The following KCND3 variants were observed in gnomAD, a reference collection of about 807,000 sequenced individuals.
KCND3 encodes A-type voltage-gated potassium channel KCND3.
KCND3 carries 9 observed loss-of-function variants against 51.1 expected under a neutral mutation model. The ratio of observed to expected loss-of-function variants is 0.18; its 90% CI spans 0.11 to 0.31. The LOEUF is 0.31. Among genes scored for constraint, KCND3 ranks in the 10% least tolerant of loss-of-function variants. KCND3 has a pLI of 1.00. For synonymous variants in KCND3, 349 were observed against 368.0 expected, an observed-to-expected ratio of 0.95 and a Z score of 0.59; for missense variants, 526 against 903.8, an observed-to-expected ratio of 0.58 and a Z score of 5.36.
intron 3 of KCND3, among the ~76,000 whole-genome samples, chr1:111,781,667 C>G (rs1005108293): frequency 6.6e-6 from 1 of 152,106 alleles, no homozygotes; most frequent in Admixed American, 6.5e-5. Context: ...TTACAGGCAC[C>G]CACCAACACA....
At chr1:111,831,800 T>C (rs1428328155) in intron 2 of KCND3, among the ~76,000 whole-genome samples, 1 of 152,182 alleles carries the variant, frequency 6.6e-6, no homozygotes, top group Non-Finnish European at 1.5e-5. Context: ...AGAGATACAC[T>C]GATTTACAGG....
intron 2 of KCND3, among the ~76,000 whole-genome samples, chr1:111,934,096 G>A (rs1282910951): frequency 6.6e-6 from 1 of 152,176 alleles, no homozygotes; most frequent in East Asian, 1.9e-4. Flanking sequence ...GTCAGTTTGT[G>A]GCAGCCGAGC....
In KCND3 at chr1:111,982,829, G is replaced by A; in HGVS notation, c.-72-31C>T. 1.4e-6 allele frequency: 2 copies of A among 1,473,942 alleles called. No homozygotes were observed. The highest frequency in any genetic ancestry group is 4.5e-4 in the Middle Eastern group (2 of 4,460). The allele number at this position is 1,473,942 out of a possible 1,614,324, so 91.3% of individuals were successfully genotyped here. On this transcript the variant is annotated intron_variant, in intron 1 of 7. Transcript: ENST00000302127. The surrounding 1 kb of genome is among the most constrained non-coding windows in gnomAD (Gnocchi z 8.5). ...AGACAGGAGGGGAGAGAGAGAAGCG[G>A]TGAGTCCATATCGACTGGCAGGTAA...
At chr1:111,983,194 T>C (rs1675069080) in intron 1 of KCND3, among the ~76,000 whole-genome samples, 1 of 152,200 alleles carries the variant, frequency 6.6e-6, no homozygotes, top group African/African-American at 2.4e-5. Flanking sequence ...ATTAAATGAA[T>C]TTAAAAGTGG....
At chr1:111,984,245 C>T (rs556861586) in intron 1 of KCND3, among the ~76,000 whole-genome samples, 1 of 152,308 alleles carries the variant, frequency 6.6e-6, no homozygotes, top group African/African-American at 2.4e-5. Flanking sequence ...CTCCTGACTC[C>T]CAACTCTTTG....
intron 2 of KCND3, among the ~76,000 whole-genome samples, chr1:111,977,968 T>C (rs1473946897): frequency 1.3e-5 from 2 of 152,094 alleles, no homozygotes; most frequent in South Asian, 2.1e-4. Flanking sequence ...AAATGGAGCA[T>C]TTGGGAACTC....
At chr1:111,861,545 G>A (rs573112088) in intron 2 of KCND3, among the ~76,000 whole-genome samples, 1 of 152,314 alleles carries the variant, frequency 6.6e-6, no homozygotes, top group East Asian at 1.9e-4. Flanking sequence ...GCCCACTGCA[G>A]GACCTTGTTC....
At chr1:111,937,580 G>C (rs4838928) in intron 2 of KCND3, among the ~76,000 whole-genome samples, 121,078 of 151,742 alleles carry the variant, frequency 0.8, 48,854 homozygotes, top group Middle Eastern at 0.9. Context: ...CTTTCAGAAC[G>C]CTTCTGGCTC....
intron 2 of KCND3, among the ~76,000 whole-genome samples, chr1:111,848,726 T>C (rs1279085686): frequency 1.3e-5 from 2 of 152,130 alleles, no homozygotes; most frequent in Non-Finnish European, 2.9e-5. Context: ...CTTGGGAGAA[T>C]TATTTCACCT....
intron 2 of KCND3, among the ~76,000 whole-genome samples, chr1:111,887,815 C>T (rs1055529059): frequency 6.6e-6 from 1 of 152,180 alleles, no homozygotes; most frequent in African/African-American, 2.4e-5. Flanking sequence ...GTGGGAAGGA[C>T]CTGGGAGAAG....
chr1:111,789,985 C>A (rs982238155), intron 2 of KCND3, among the ~76,000 whole-genome samples: 1 of 152,160 alleles, frequency 6.6e-6, no homozygotes, highest in Non-Finnish European at 1.5e-5. Flanking sequence ...TGGTCCTATG[C>A]CAGCAAAGGA....
intron 2 of KCND3, among the ~76,000 whole-genome samples, chr1:111,791,355 G>A (rs952288752): frequency 2.0e-5 from 3 of 152,304 alleles, no homozygotes; most frequent in South Asian, 2.1e-4. Flanking sequence ...CAAAGAAGCC[G>A]ATGCTGCAAC....
chr1:111,929,069 C>T (rs938218253), intron 2 of KCND3, among the ~76,000 whole-genome samples: 5 of 152,220 alleles, frequency 3.3e-5, no homozygotes, highest in African/African-American at 9.6e-5. Context: ...TGTTTTGCTT[C>T]GCAAATTGGA....
intron 2 of KCND3, among the ~76,000 whole-genome samples, chr1:111,834,051 A>G (rs1176721277): frequency 6.6e-6 from 1 of 152,192 alleles, no homozygotes; most frequent in African/African-American, 2.4e-5. Flanking sequence ...GAGTCACTTG[A>G]GATGGCCACT....
chr1:111,887,946 A>G (rs999111584), intron 2 of KCND3, among the ~76,000 whole-genome samples: 1 of 152,238 alleles, frequency 6.6e-6, no homozygotes, highest in African/African-American at 2.4e-5. Flanking sequence ...ACAGCCCTGG[A>G]AAAGGAGAAA....
chr1:111,982,019 G>T lies in KCND3; in HGVS notation c.708C>A (p.Ile236=), dbSNP rs1674974078. The change falls in exon 2 of 8, where the codon ATC becomes ATA. Residue 236 remains isoleucine, a synonymous_variant. Transcript: ENST00000302127. The surrounding 1 kb of genome is among the most constrained non-coding windows in gnomAD (Gnocchi z 8.5). The part of the protein sequence containing the change: ...FFCLDTACVM[I]FTVEYLLRLF... ...GCCGCAGGAGGTACTCCACGGTGAAGATCATGACGCACGCCGTGTCCAGGC... is the reference window on the plus strand; with the variant it reads ...GCCGCAGGAGGTACTCCACGGTGAATATCATGACGCACGCCGTGTCCAGGC... 6.2e-7 allele frequency: 1 copy of T among 1,613,878 alleles called. No individual in the cohort carries two copies. The highest frequency in any genetic ancestry group is 2.2e-5 in the East Asian group (1 of 44,808).
At chr1:111,847,058 T>C (rs758126859) in intron 2 of KCND3, among the ~76,000 whole-genome samples, 2 of 152,180 alleles carry the variant, frequency 1.3e-5, no homozygotes, top group Admixed American at 6.5e-5. Context: ...CAGGCACTTA[T>C]AACCTACAAA....
intron 2 of KCND3, among the ~76,000 whole-genome samples, chr1:111,966,321 T>C (rs1380029000): frequency 6.6e-6 from 1 of 151,468 alleles, no homozygotes; most frequent in African/African-American, 2.4e-5. Context: ...ATACTGGGGG[T>C]GGAGAAGGAA....
At chr1:111,808,433 C>T (rs1665681170) in intron 2 of KCND3, among the ~76,000 whole-genome samples, 2 of 152,228 alleles carry the variant, frequency 1.3e-5, no homozygotes, top group Admixed American at 1.3e-4. Context: ...TCCTGGTCCA[C>T]AAACTCATTC....
Sources: allele counts gnomAD v4.1 joint callset (sites outside exome capture counted in the v4.1 genomes callset), GRCh38; gene constraint gnomAD v4.1.1; non-coding constraint Gnocchi (gnomAD v3.1); transcripts MANE v1.5; gene names NCBI Gene and HGNC (gene_info 2026-07-23, HGNC 2026-07-21).